Variants in SLC7A2 observed in about 807,000 individuals in gnomAD.
The protein encoded by SLC7A2 is cationic amino acid transporter 2.
SLC7A2 carries 48 observed loss-of-function variants against 58.9 expected under a neutral mutation model. That is an observed-to-expected ratio of 0.82 (90% CI 0.65 to 1.04). SLC7A2 has a LOEUF of 1.04. Among genes scored for constraint, SLC7A2 ranks in the 50% least tolerant of loss-of-function variants. SLC7A2 has a pLI of 0.00. For synonymous variants in SLC7A2, 363 were observed against 314.5 expected (o/e 1.15, Z -1.63); for missense variants, 1,029 against 818.8 (o/e 1.26, Z -3.13).
chr8:17,523,473 A>C (rs1007589585), intron 2 of SLC7A2, among the ~76,000 whole-genome samples: 7 of 152,188 alleles, frequency 4.6e-5, no homozygotes, highest in Admixed American at 1.3e-4. Context: ...ATTTACAGCC[A>C]ACTAATCTTC....
chr8:17,507,313 T>G (rs1800409177), intron 2 of SLC7A2, among the ~76,000 whole-genome samples: 1 of 152,158 alleles, frequency 6.6e-6, no homozygotes, highest in East Asian at 1.9e-4. Flanking sequence ...AATGGTTAAC[T>G]ATAATTTATT....
chr8:17,539,147 AG>A (rs1421320894), intron 2 of SLC7A2, among the ~76,000 whole-genome samples: 2 of 152,200 alleles, frequency 1.3e-5, no homozygotes, highest in Non-Finnish European at 2.9e-5. Context: ...CAATGTCATC[AG>A]GGTTAGGGAT....
chr8:17,510,457 A>G (rs1800558410), intron 2 of SLC7A2, among the ~76,000 whole-genome samples: 1 of 152,188 alleles, frequency 6.6e-6, no homozygotes, highest in Non-Finnish European at 1.5e-5. Context: ...CAACAGTGTA[A>G]AAGCGTTCCT....
Position 17,565,277 on chromosome 8 carries a change from T to C in SLC7A2, c.*131T>C, listed in dbSNP as rs991744868. 5.7e-5 allele frequency: 39 copies of C among 685,446 alleles called. No homozygotes were observed. The highest frequency in any genetic ancestry group is 8.2e-5 in the Non-Finnish European group (34 of 412,214). The allele number at this position is 685,446 out of a possible 1,614,324, so 42.5% of individuals were successfully genotyped here. A position where few individuals can be genotyped will look rare whatever the true frequency, so the allele number is the denominator to read the frequency against. On this transcript the variant is annotated 3_prime_UTR_variant, in exon 13 of 13. Coordinates refer to ENST00000494857, the MANE Select transcript of SLC7A2 (RefSeq NM_001370338.1). ...TACATAGTTCACCCTAATTTATACT[T>C]ACTCATCTGGACAGCATCTCCTCAG...
At chr8:17,536,868 T>A (rs1801688445) in intron 2 of SLC7A2, among the ~76,000 whole-genome samples, 1 of 152,134 alleles carries the variant, frequency 6.6e-6, no homozygotes, top group Non-Finnish European at 1.5e-5. Flanking sequence ...GAGACCACTC[T>A]AAATAGCTGA....
intron 1 of SLC7A2, among the ~76,000 whole-genome samples, chr8:17,497,505 C>T (rs1489161305): frequency 1.3e-5 from 2 of 152,168 alleles, no homozygotes; most frequent in African/African-American, 4.8e-5. Context: ...CGCCTCGCCT[C>T]GTCCGGTCCC....
chr8:17,553,832 T>G (rs1225126007), intron 7 of SLC7A2, among the ~76,000 whole-genome samples: 1 of 152,228 alleles, frequency 6.6e-6, no homozygotes, highest in Non-Finnish European at 1.5e-5. Context: ...TTTTGTTTTC[T>G]CTTACATGGT....
At chr8:17,521,581 A>C (rs1801017246) in intron 2 of SLC7A2, among the ~76,000 whole-genome samples, 1 of 152,244 alleles carries the variant, frequency 6.6e-6, no homozygotes, top group Admixed American at 6.5e-5. Flanking sequence ...CAGTGAAGAC[A>C]GCCGTGGCAG....
At chr8:17,558,881 G>A (rs1283437195) in intron 9 of SLC7A2, among the ~76,000 whole-genome samples, 5 of 152,146 alleles carry the variant, frequency 3.3e-5, no homozygotes, top group African/African-American at 1.2e-4. Flanking sequence ...TAATTTTATG[G>A]AGAAATATAT....
chr8:17,535,088 A>G (rs1243145081), intron 2 of SLC7A2, among the ~76,000 whole-genome samples: 2 of 152,118 alleles, frequency 1.3e-5, no homozygotes, highest in African/African-American at 4.8e-5. Context: ...TGTTTCTCAA[A>G]TTCTACGTCT....
At position 17,545,875 on chromosome 8, in the gene SLC7A2, C is replaced by A. The variant is rs899834336; in HGVS notation, c.532+1269C>A. Among the ~76,000 whole-genome samples, 5 of 152,254 alleles carry A rather than the reference C, an allele frequency of 3.3e-5. No homozygotes were observed. The East Asian group carries it at 9.6e-4, about 29-fold the overall frequency. ...TTTCTCCCTTGTTAGAAGAGTGAGACAGAAATATCTTTCTCTTTTGAAATG... is the reference window on the plus strand; with the variant it reads ...TTTCTCCCTTGTTAGAAGAGTGAGAAAGAAATATCTTTCTCTTTTGAAATG... On this transcript the variant is annotated intron_variant, in intron 4 of 12. Coordinates refer to ENST00000494857, the MANE Select transcript of SLC7A2 (RefSeq NM_001370338.1).
At chr8:17,564,113 T>C (rs1803154065) in intron 12 of SLC7A2, among the ~76,000 whole-genome samples, 1 of 152,240 alleles carries the variant, frequency 6.6e-6, no homozygotes, top group Admixed American at 6.5e-5. Flanking sequence ...AATAAACAGT[T>C]GCTTTGCATA....
intron 5 of SLC7A2, among the ~76,000 whole-genome samples, 198 bp from the exon 6 acceptor site, chr8:17,550,103 T>A (rs1802375201): frequency 6.6e-6 from 1 of 152,166 alleles, no homozygotes; most frequent in African/African-American, 2.4e-5. Context: ...TGGGTGTCAG[T>A]GACACAGGAG....
chr8:17,495,802 G>C (rs1259965674), upstream of SLC7A2, among the ~76,000 whole-genome samples: 2 of 152,140 alleles, frequency 1.3e-5, no homozygotes, highest in African/African-American at 4.8e-5. Context: ...GGCGCGCCTC[G>C]GCGTCCCAAA....
At chr8:17,556,614 A>AC (rs111546391) in intron 8 of SLC7A2, among the ~76,000 whole-genome samples, 201 of 141,332 alleles carry the variant, frequency 1.4e-3, no homozygotes, top group African/African-American at 4.9e-3. Context: ...AGCAATGAAG[A>AC]ATTTTTTTTT....
chr8:17,557,234 T>G (rs904932149), intron 8 of SLC7A2, among the ~76,000 whole-genome samples: 10 of 152,236 alleles, frequency 6.6e-5, no homozygotes, highest in African/African-American at 2.4e-4. Flanking sequence ...ATAAATGGAA[T>G]GTGATGTTAT....
chr8:17,534,934 A>T (rs2705073), intron 2 of SLC7A2, among the ~76,000 whole-genome samples: 1 of 151,936 alleles, frequency 6.6e-6, no homozygotes, highest in East Asian at 1.9e-4. Flanking sequence ...TCTGTTGTCC[A>T]CCTGTATCTC....
chr8:17,548,006 G>A (rs1802259300), intron 4 of SLC7A2, among the ~76,000 whole-genome samples: 1 of 152,138 alleles, frequency 6.6e-6, no homozygotes, highest in East Asian at 1.9e-4. Flanking sequence ...TGTATTTTGT[G>A]TGCATGGCAG....
rs1445120310 is a variant in SLC7A2, at chr8:17,569,416, T to C, written c.*4270T>C. The stretch of plus-strand genomic sequence containing the variant: ...CTTGTTTATAAAGTTCTCCCACATG[T>C]CCTTAAATATCAAGGGGGAAAGTAT... On this transcript the variant is annotated 3_prime_UTR_variant, in exon 13 of 13. Transcript: ENST00000494857. The C allele has an allele frequency of 6.6e-6, 1 of 152,196 alleles. No homozygotes were observed. The highest frequency in any genetic ancestry group is 2.4e-5 in the African/African-American group (1 of 41,444). The allele number at this position is 152,196 out of a possible 1,614,324, so 9.4% of individuals were successfully genotyped here.
Sources: allele counts gnomAD v4.1 joint callset (sites outside exome capture counted in the v4.1 genomes callset), GRCh38; gene constraint gnomAD v4.1.1; transcripts MANE v1.5; gene names NCBI Gene and HGNC (gene_info 2026-07-23, HGNC 2026-07-21).